PTPRD: variants seen among roughly 807,000 people sequenced by gnomAD.
The protein encoded by PTPRD is protein tyrosine phosphatase receptor type D.
PTPRD carries 34 observed loss-of-function variants against 214.5 expected under a neutral mutation model. That is an observed-to-expected ratio of 0.16 (90% CI 0.12 to 0.21). The LOEUF is 0.21. Among genes scored for constraint, PTPRD ranks in the 10% least tolerant of loss-of-function variants. PTPRD has a pLI of 1.00. For missense variants in PTPRD, 2,545 were observed against 2,398.7 expected, an observed-to-expected ratio of 1.06 and a Z score of -1.27; for synonymous variants, 1,128 against 845.7, an observed-to-expected ratio of 1.33 and a Z score of -5.79.
chr9:9,889,303 G>C (rs1392838255), intron 5 of PTPRD, among the ~76,000 whole-genome samples: 1 of 152,154 alleles, frequency 6.6e-6, no homozygotes, highest in Non-Finnish European at 1.5e-5. Flanking sequence ...GTGAGGTAAT[G>C]AATGTGTTAA....
At chr9:8,985,615 A>G (rs1475150406) in intron 11 of PTPRD, among the ~76,000 whole-genome samples, 2 of 151,644 alleles carry the variant, frequency 1.3e-5, no homozygotes, top group African/African-American at 2.4e-5. Context: ...TTCCTTGGAC[A>G]TGTAAATAAA....
chr9:10,208,318 T>A (rs539743959), intron 3 of PTPRD, among the ~76,000 whole-genome samples: 1 of 152,274 alleles, frequency 6.6e-6, no homozygotes, highest in Non-Finnish European at 1.5e-5. Flanking sequence ...ATCGACGCCA[T>A]CCTGGCTAAC....
intron 9 of PTPRD, among the ~76,000 whole-genome samples, chr9:9,291,988 C>A (rs147811101): frequency 0.013 from 2,025 of 150,714 alleles, 49 homozygotes; most frequent in African/African-American, 0.047. Flanking sequence ...TTACTTACTA[C>A]TTATATAGTA....
At chr9:8,582,258 A>G (rs527836823) in intron 14 of PTPRD, among the ~76,000 whole-genome samples, 1 of 152,334 alleles carries the variant, frequency 6.6e-6, no homozygotes, top group East Asian at 1.9e-4. Context: ...CCACTTTACA[A>G]CAAACAGAAA....
chr9:8,481,978 T>G (rs1311866012), intron 30 of PTPRD, among the ~76,000 whole-genome samples: 1 of 151,948 alleles, frequency 6.6e-6, no homozygotes, highest in Non-Finnish European at 1.5e-5. Context: ...AGACGGGGTT[T>G]TGCCATTTTG....
chr9:10,268,089 G>A (rs926750247), intron 3 of PTPRD, among the ~76,000 whole-genome samples: 3 of 148,514 alleles, frequency 2.0e-5, no homozygotes, highest in Non-Finnish European at 4.5e-5. Context: ...ACCAACCTAA[G>A]CAACATAGCA....
intron 7 of PTPRD, among the ~76,000 whole-genome samples, chr9:9,656,897 T>C (rs1461652067): frequency 6.6e-6 from 1 of 152,094 alleles, no homozygotes; most frequent in East Asian, 1.9e-4. Flanking sequence ...ATAGGAACAC[T>C]GTAATTTCCT....
chr9:10,270,219 T>TA (rs1937431283), intron 3 of PTPRD, among the ~76,000 whole-genome samples: 1 of 149,092 alleles, frequency 6.7e-6, no homozygotes, highest in South Asian at 2.2e-4. Context: ...ATCAAATTAT[T>TA]AAAAAAGATT....
intron 8 of PTPRD, among the ~76,000 whole-genome samples, chr9:9,547,544 A>G (rs1422946373): frequency 6.6e-6 from 1 of 152,032 alleles, no homozygotes; most frequent in East Asian, 1.9e-4. Context: ...GACTAAATGC[A>G]TGTAGAGTGT....
intron 20 of PTPRD, among the ~76,000 whole-genome samples, chr9:8,519,067 A>C (rs936212395): frequency 6.6e-6 from 1 of 152,220 alleles, no homozygotes; most frequent in African/African-American, 2.4e-5. Context: ...CATTACTAAA[A>C]ATTTTCTTGT....
intron 30 of PTPRD, 79 bp from the exon 31 acceptor site, chr9:8,471,164 C>A: frequency 8.1e-7 from 1 of 1,240,550 alleles, no homozygotes; most frequent in Non-Finnish European, 1.2e-6. Context: ...CTTCCACAGA[C>A]CAATGAGGTT....
intron 37 of PTPRD, among the ~76,000 whole-genome samples, chr9:8,383,948 C>T (rs906971565): frequency 6.6e-6 from 1 of 152,158 alleles, no homozygotes; most frequent in African/African-American, 2.4e-5. Flanking sequence ...ATTTTCTAAG[C>T]ATGAGGTTGA....
chr9:9,894,794 C>T (rs1270023865), intron 5 of PTPRD, among the ~76,000 whole-genome samples: 3 of 151,986 alleles, frequency 2.0e-5, no homozygotes, highest in Non-Finnish European at 4.4e-5. Flanking sequence ...AGCACAGTAC[C>T]TGTTACATAC....
chr9:9,792,918 A>C (rs527943027), intron 5 of PTPRD, among the ~76,000 whole-genome samples: 1 of 152,234 alleles, frequency 6.6e-6, no homozygotes, highest in African/African-American at 2.4e-5. Flanking sequence ...GGGGTATTAA[A>C]ATGGAGTTTT....
At chr9:8,995,934 G>A (rs1040056977) in intron 11 of PTPRD, among the ~76,000 whole-genome samples, 2 of 152,040 alleles carry the variant, frequency 1.3e-5, no homozygotes, top group African/African-American at 4.8e-5. Flanking sequence ...TATATCTGTA[G>A]CAATTAATAA....
chr9:9,321,251 G>A (rs966665848), intron 9 of PTPRD, among the ~76,000 whole-genome samples: 2 of 152,130 alleles, frequency 1.3e-5, no homozygotes, highest in African/African-American at 4.8e-5. Flanking sequence ...CCAAAGCTCA[G>A]AATTCATTAA....
At position 8,603,933 on chromosome 9, in the gene PTPRD, G is replaced by A. The variant is rs1002639916; in HGVS notation, c.352+29384C>T. 7.2e-5 allele frequency among the ~76,000 whole-genome samples: 11 copies of A among 152,260 alleles called. No individual in the cohort carries two copies. In the East Asian group the frequency reaches 1.9e-3, roughly 27 times the overall value. On this transcript the variant is annotated intron_variant, in intron 14 of 45. Coordinates refer to ENST00000381196, the MANE Select transcript of PTPRD (RefSeq NM_002839.4). Reference sequence around the variant, plus strand: ...ATTAAAAAGCATTAGACACTATAATGTGTTTCCTATCAACCATGCCTCAAA... The same window carrying A: ...ATTAAAAAGCATTAGACACTATAATATGTTTCCTATCAACCATGCCTCAAA...
intron 2 of PTPRD, among the ~76,000 whole-genome samples, chr9:10,533,649 C>A (rs1169296289): frequency 6.6e-6 from 1 of 151,544 alleles, no homozygotes; most frequent in Non-Finnish European, 1.5e-5. Context: ...CCATGTATAA[C>A]AAAATGATAC....
rs538741047 is a variant in PTPRD, at chr9:9,854,648, T to G, written c.-368+83859A>C. 3.9e-5 allele frequency among the ~76,000 whole-genome samples: 6 copies of G among 152,310 alleles called. No homozygotes were observed. In the South Asian group the frequency reaches 1.2e-3, roughly 32 times the overall value. ...TTTCAAGAAATGATGCCCACCATAT[T>G]TTTACTTGTTTTTGATTACTTATCT... is the stretch of plus-strand genomic sequence containing the variant. On this transcript the variant is annotated intron_variant, in intron 5 of 45. Coordinates refer to ENST00000381196, the MANE Select transcript of PTPRD (RefSeq NM_002839.4).
Sources: allele counts gnomAD v4.1 joint callset (sites outside exome capture counted in the v4.1 genomes callset), GRCh38; gene constraint gnomAD v4.1.1; transcripts MANE v1.5; gene names NCBI Gene and HGNC (gene_info 2026-07-23, HGNC 2026-07-21).